The following FBN3 variants were observed in gnomAD, a reference collection of about 807,000 sequenced individuals.
The protein encoded by FBN3 is fibrillin-3.
FBN3 carries 234 observed loss-of-function variants against 330.1 expected under a neutral mutation model. That is an observed-to-expected ratio of 0.71 (90% CI 0.64 to 0.79). FBN3 has a LOEUF of 0.79. Ranked by LOEUF, FBN3 falls within the 30% of genes least tolerant of loss-of-function variation. The pLI is 0.00. For synonymous variants in FBN3, 1,458 were observed against 1,517.3 expected (o/e 0.96, Z 0.91); for missense variants, 3,606 against 3,886.9 (o/e 0.93, Z 1.92).
At chr19:8,091,212 T>C (rs1355438060) in intron 48 of FBN3, among the ~76,000 whole-genome samples, 1 of 152,168 alleles carries the variant, frequency 6.6e-6, no homozygotes, top group Non-Finnish European at 1.5e-5. Context: ...CCTACAGTCA[T>C]GTGACCAATA....
At chr19:8,080,164 G>A (rs749088867) in intron 59 of FBN3, among the ~76,000 whole-genome samples, 9 of 152,250 alleles carry the variant, frequency 5.9e-5, no homozygotes, top group South Asian at 2.1e-4. Flanking sequence ...GCAGGGGGCC[G>A]GGCTTGGCTG....
chr19:8,136,400 C>CGCGCACGTCCTGGGTGTA lies in FBN3; in HGVS notation c.1315_1332dup (p.Tyr439_Arg444dup). ...GGCCGCGGCTCACCAATGCACTCGC[C>CGCGCACGTCCTGGGTGTA]GCGCACGTCCTGGGTGTAGCCCACG... is the stretch of plus-strand genomic sequence containing the variant. On this transcript the variant is annotated inframe_insertion, in exon 11 of 64. Coordinates refer to ENST00000600128, the MANE Select transcript of FBN3 (RefSeq NM_032447.5). 6.2e-7 allele frequency: 1 copy of CGCGCACGTCCTGGGTGTA among 1,613,920 alleles called. No individual in the cohort carries two copies. The highest frequency in any genetic ancestry group is 1.1e-5 in the South Asian group (1 of 91,072).
intron 38 of FBN3, 98 bp from the exon 39 acceptor site, chr19:8,103,785 G>A (rs924616585): frequency 3.8e-5 from 46 of 1,222,680 alleles, no homozygotes; most frequent in Middle Eastern, 5.0e-4. Flanking sequence ...CTTCACCAGG[G>A]ACCTAAGTTT....
rs1419287535 is a variant in FBN3 at position 8,112,739 on chromosome 19, T to A, written c.3839-640A>T. Among the ~76,000 whole-genome samples, 3 of 152,332 alleles carry A rather than the reference T, an allele frequency of 2.0e-5. No individual in the cohort carries two copies. In the East Asian group the frequency reaches 5.8e-4, roughly 29 times the overall value. ...CCAGGATTTCCCTGTCCACCAGCAT[T>A]TCCAATCCAGAGTCAATTATGCCTC... On this transcript the variant is annotated intron_variant, in intron 30 of 63. Transcript: ENST00000600128.
Position 8,075,367 on chromosome 19 carries a change from C to T in FBN3, c.7498G>A (p.Gly2500Arg), listed in dbSNP as rs778056837. The T allele has an allele frequency of 6.8e-6, 11 of 1,614,012 alleles. No individual in the cohort carries two copies. Among genetic ancestry groups the T allele is most frequent in the Non-Finnish European group, 9.3e-6 (11 of 1,180,042 alleles). Reference protein sequence around the residue: ...SAQPGPCGAHGHCHNTPGSFR... With the variant: ...SAQPGPCGAHRHCHNTPGSFR... ...CTGCCCGGGGTGTTGTGGCAGTGCC[C>T]GTGGGCACCACATGGGCCAGGCTGG... Residue 2500 changes from glycine to arginine, a missense_variant, in exon 60 of 64, where the codon GGG (glycine) becomes AGG (arginine). Gly to Arg is a moderately radical substitution (Grantham distance 125, BLOSUM62 -2). Transcript: ENST00000600128.
At chr19:8,147,788 A>G in intron 1 of FBN3, 1 of 311,982 alleles carries the variant, frequency 3.2e-6, no homozygotes, top group Non-Finnish European at 5.9e-6. Context: ...AGGTGGGGCC[A>G]GGCGTTGCAG....
chr19:8,113,878 C>T (rs963135983), intron 30 of FBN3, among the ~76,000 whole-genome samples: 26 of 148,138 alleles, frequency 1.8e-4, no homozygotes, highest in African/African-American at 5.7e-4. Context: ...TGTGGCGGCA[C>T]GTGTGGGAGG....
Position 8,085,349 on chromosome 19 carries a change from G to A in FBN3, c.7087+14C>T, listed in dbSNP as rs1336119946. 2 of 1,559,882 alleles carry A rather than the reference G, an allele frequency of 1.3e-6. No individual in the cohort carries two copies. The highest frequency in any genetic ancestry group is 1.7e-6 in the Non-Finnish European group (2 of 1,155,810). ...TCTTGCCTCCCTGGGGGTCCTGAGG[G>A]CATGGGCACCCACCTCGGCCCTCAG... On this transcript the variant is annotated intron_variant, in intron 56 of 63. Coordinates refer to ENST00000600128, the MANE Select transcript of FBN3 (RefSeq NM_032447.5).
intron 59 of FBN3, among the ~76,000 whole-genome samples, chr19:8,075,756 C>T (rs1042640463): frequency 3.9e-5 from 6 of 152,188 alleles, no homozygotes; most frequent in African/African-American, 1.4e-4. Context: ...TTAACCTAAT[C>T]ATGTAAAAGG....
At chr19:8,074,065 T>C (rs1165826200) in intron 61 of FBN3, among the ~76,000 whole-genome samples, 1 of 152,172 alleles carries the variant, frequency 6.6e-6, no homozygotes, top group Non-Finnish European at 1.5e-5. Context: ...GTCTAATTAA[T>C]CTCTGTTTCC....
intron 28 of FBN3, 106 bp downstream of exon 28, chr19:8,117,063 G>A: frequency 6.7e-7 from 1 of 1,500,016 alleles, no homozygotes; most frequent in Admixed American, 2.0e-5. Flanking sequence ...CTCGGGTCTG[G>A]CTGGCTTCAC....
chr19:8,135,936 G>GGGGGGGGGGGGGGGGGCCGCCCCCCCCC, intron 13 of FBN3, 25 bp downstream of exon 13: 1 of 668,778 alleles, frequency 1.5e-6, no homozygotes, highest in Non-Finnish European at 2.4e-6. Flanking sequence ...GGAAGCCCCT[G>GGGGGGGGGGGGGGGGGCCGCCCCCCCCC]CCCACCCGCC....
rs1432806779 is a variant in FBN3, at chr19:8,132,922, C to T, written c.1714+62G>A. ...CGTCCGGTCCCTCTCCTCTTCCTCG[C>T]CGTCCCTCTGCTTCCCCATCTCCCT... On this transcript the variant is annotated intron_variant, in intron 14 of 63. Transcript: ENST00000600128. The T allele has an allele frequency of 2.7e-6, 4 of 1,481,696 alleles. No homozygotes were observed. In the African/African-American group the frequency reaches 5.6e-5, roughly 21 times the overall value. 91.8% of individuals were successfully genotyped at this position (1,481,696 alleles called of 1,614,324 possible). A position where few individuals can be genotyped will look rare whatever the true frequency, so the allele number is the denominator to read the frequency against.
intron 25 of FBN3, among the ~76,000 whole-genome samples, 177 bp from the exon 26 acceptor site, chr19:8,119,199 G>A (rs773603051): frequency 3.9e-5 from 6 of 152,188 alleles, no homozygotes; most frequent in Non-Finnish European, 7.3e-5. Context: ...TCTGCACCAG[G>A]AGCAGAGACC....
In FBN3 at chr19:8,065,856, G is replaced by T; in HGVS notation, c.*63C>A. 1.5e-6 allele frequency: 2 copies of T among 1,326,186 alleles called. No individual in the cohort carries two copies. The highest frequency in any genetic ancestry group is 2.1e-6 in the Non-Finnish European group (2 of 960,128). 82.2% of individuals were successfully genotyped at this position (1,326,186 alleles called of 1,614,324 possible). A position where few individuals can be genotyped will look rare whatever the true frequency, so the allele number is the denominator to read the frequency against. ...GGTCAGCCATCGCTTCTGGGGATCA[G>T]TCCTTCCCAGTTCCAGAATCCCCCT... On this transcript the variant is annotated 3_prime_UTR_variant, in exon 64 of 64. Transcript: ENST00000600128.
At chr19:8,085,245 A>T in intron 56 of FBN3, 118 bp downstream of exon 56, 1 of 819,854 alleles carries the variant, frequency 1.2e-6, no homozygotes. Context: ...ACACACACAC[A>T]CACACACACA....
intron 48 of FBN3, 119 bp downstream of exon 48, chr19:8,091,346 C>T: frequency 7.4e-7 from 1 of 1,354,998 alleles, no homozygotes; most frequent in South Asian, 1.4e-5. Flanking sequence ...AAACAGACAC[C>T]TCTGCCTGGT....
chr19:8,097,122 C>A, intron 42 of FBN3, 116 bp from the exon 43 acceptor site: 1 of 1,497,794 alleles, frequency 6.7e-7, no homozygotes. Flanking sequence ...GCAGCCAGAG[C>A]TGGAGTAAGG....
chr19:8,110,996 A>C (rs1599366790), intron 33 of FBN3, 29 bp from the exon 34 acceptor site: 2 of 1,613,876 alleles, frequency 1.2e-6, no homozygotes, highest in Non-Finnish European at 8.5e-7. Flanking sequence ...AGCCTGCCCC[A>C]CCCAGAGTCT....
Sources: gnomAD v4.1 joint callset for allele counts (sites outside exome capture counted in the v4.1 genomes callset) on GRCh38, gnomAD v4.1.1 for gene constraint, MANE v1.5 for transcripts, NCBI Gene and HGNC (gene_info 2026-07-23, HGNC 2026-07-21) for gene names.